Variants in LACTBL1 observed in about 807,000 individuals in gnomAD.
LACTBL1 encodes beta-lactamase-like protein 1.
Under a neutral mutation model 39.6 loss-of-function variants are expected in LACTBL1, and 29 were observed. The observed-to-expected ratio is 0.73, with a 90% CI of 0.55 to 1.00. The LOEUF (loss-of-function observed/expected upper bound fraction) is 1.00. Ranked by LOEUF, LACTBL1 falls within the 50% of genes least tolerant of loss-of-function variation. The pLI is 0.00. For synonymous variants in LACTBL1, 361 were observed against 360.7 expected, an observed-to-expected ratio of 1.00 and a Z score of -0.01; for missense variants, 711 against 748.5, an observed-to-expected ratio of 0.95 and a Z score of 0.59.
At chr1:22,958,408 C>T (rs906196658) in intron 4 of LACTBL1, among the ~76,000 whole-genome samples, 5 of 152,248 alleles carry the variant, frequency 3.3e-5, no homozygotes, top group Non-Finnish European at 7.3e-5. Flanking sequence ...TTGACTTGCT[C>T]TTGCCTTATC....
At chr1:22,957,117 C>A (rs899083665) in intron 4 of LACTBL1, among the ~76,000 whole-genome samples, 4 of 152,022 alleles carry the variant, frequency 2.6e-5, no homozygotes, top group Admixed American at 2.0e-4. Flanking sequence ...TGGTAGCATA[C>A]AAAATATGCT....
At chr1:22,963,748 A>G (rs900137904) in intron 1 of LACTBL1, among the ~76,000 whole-genome samples, 1 of 152,084 alleles carries the variant, frequency 6.6e-6, no homozygotes, top group East Asian at 1.9e-4. Context: ...CTGGCAGGAC[A>G]GGATTCAGGC....
exon 6 of LACTBL1, chr1:22,953,716 GGCCGCAGGA>G: frequency 7.5e-7 from 1 of 1,332,176 alleles, no homozygotes; most frequent in Non-Finnish European, 9.6e-7. Flanking sequence ...GGCCGCGTCG[GGCCGCAGGA>G]GCCGCCGGGG....
At chr1:22,953,707 G>A in exon 6 of LACTBL1, 1 of 1,322,624 alleles carries the variant, frequency 7.6e-7, no homozygotes, top group Non-Finnish European at 9.6e-7. Context: ...CAGCGTCTTG[G>A]CCGCGTCGGG....
the LACTBL1 span, among the ~76,000 whole-genome samples, chr1:22,970,608 G>C: frequency 6.6e-6 from 1 of 152,064 alleles, no homozygotes; most frequent in African/African-American, 2.4e-5. Flanking sequence ...AGGAGTTCAA[G>C]ACCAGGCTGG....
chr1:22,961,699 C>T (rs1305501097), intron 2 of LACTBL1, among the ~76,000 whole-genome samples: 3 of 151,494 alleles, frequency 2.0e-5, no homozygotes, highest in Non-Finnish European at 2.9e-5. Flanking sequence ...CACCTTGCCA[C>T]GTGATTTTAC....
intron 4 of LACTBL1, 34 bp downstream of exon 6, chr1:22,958,651 G>A: frequency 2.0e-6 from 3 of 1,487,862 alleles, no homozygotes; most frequent in Non-Finnish European, 2.7e-6. Flanking sequence ...ACCTGAAATG[G>A]TTTGGGTCAG....
intron 2 of LACTBL1, among the ~76,000 whole-genome samples, chr1:22,961,110 TCAATGATGAAGTG>T (rs1270516542): frequency 1.3e-5 from 2 of 152,212 alleles, no homozygotes; most frequent in Non-Finnish European, 2.9e-5. Context: ...CTCATCATTT[TCAATGATGAAGTG>T]CAATGATGAC....
chr1:22,959,562 A>C (rs1352736847), intron 3 of LACTBL1, among the ~76,000 whole-genome samples: 1 of 152,220 alleles, frequency 6.6e-6, no homozygotes, highest in Non-Finnish European at 1.5e-5. Context: ...ATCTGTTTGC[A>C]TCTGGGCCAC....
intron 5 of LACTBL1, among the ~76,000 whole-genome samples, chr1:22,954,952 C>A (rs1222063421): frequency 6.6e-6 from 1 of 152,218 alleles, no homozygotes. Context: ...TGGTCAGCAA[C>A]CCGTTTATTT....
chr1:22,966,230 G>A (rs1640874860), upstream of LACTBL1, among the ~76,000 whole-genome samples: 1 of 152,174 alleles, frequency 6.6e-6, no homozygotes, highest in African/African-American at 2.4e-5. Flanking sequence ...ATTATTGATT[G>A]CCTCCTATGT....
At chr1:22,953,308 C>T in exon 6 of LACTBL1, 5 of 1,226,184 alleles carry the variant, frequency 4.1e-6, no homozygotes, top group Non-Finnish European at 5.1e-6. Context: ...CGCCTCCACG[C>T]GCGGCCCGAA....
At chr1:22,971,734 C>G in the LACTBL1 span, among the ~76,000 whole-genome samples, 6 of 152,234 alleles carry the variant, frequency 3.9e-5, no homozygotes, top group Non-Finnish European at 7.3e-5. Context: ...GGACTTGACT[C>G]TGGCTCTGCC....
chr1:22,953,443 C>G (rs1640727138), exon 6 of LACTBL1: 3 of 1,227,466 alleles, frequency 2.4e-6, no homozygotes, highest in Non-Finnish European at 3.0e-6. Flanking sequence ...CTCGGCCTCC[C>G]GGAGGGCGCG....
At chr1:22,953,929 A>G (rs1490186229) in exon 6 of LACTBL1, 1 of 1,550,354 alleles carries the variant, frequency 6.5e-7, no homozygotes, top group East Asian at 2.4e-5. Context: ...CGGCTCCAGC[A>G]CGTTCTCCGA....
chr1:22,958,928 A>C lies in LACTBL1; in HGVS notation c.318-8T>G. 1.3e-6 allele frequency: 2 copies of C among 1,535,810 alleles called. No individual in the cohort carries two copies. The highest frequency in any genetic ancestry group is 1.8e-6 in the Non-Finnish European group (2 of 1,135,574). On this transcript the variant is annotated splice_polypyrimidine_tract_variant and splice_region_variant and intron_variant, in intron 3 of 5. Coordinates refer to ENST00000426928, the Ensembl canonical transcript of LACTBL1. ...TTGGAGATGCTGGAGATCCTAGATA[A>C]TGTTGGGAATACAAGCAGTCAAAGG...
chr1:22,959,916 A>AG (rs1640802320), intron 3 of LACTBL1, 26 bp downstream of exon 5: 1 of 1,550,592 alleles, frequency 6.4e-7, no homozygotes, highest in Non-Finnish European at 8.7e-7. Context: ...ACCCCTCCAC[A>AG]GGACCCTAGA....
chr1:22,955,529 A>C, intron 4 of LACTBL1, 103 bp from the exon 7 acceptor site: 2 of 694,612 alleles, frequency 2.9e-6, no homozygotes, highest in Non-Finnish European at 4.9e-6. Flanking sequence ...AGAGATAACA[A>C]CAACAAATCA....
chr1:22,964,744 G>A (rs1203653391), intron 1 of LACTBL1, among the ~76,000 whole-genome samples: 15 of 152,230 alleles, frequency 9.9e-5, no homozygotes, highest in Admixed American at 9.8e-4. Flanking sequence ...GTAGGGGCTA[G>A]TGTCCACAGT....
Sources: gnomAD v4.1 joint callset for allele counts (sites outside exome capture counted in the v4.1 genomes callset) on GRCh38, gnomAD v4.1.1 for gene constraint, MANE v1.5 for transcripts, NCBI Gene and HGNC (gene_info 2026-07-23, HGNC 2026-07-21) for gene names.